PTPRD: variants seen among roughly 807,000 people sequenced by gnomAD.
The protein encoded by PTPRD is protein tyrosine phosphatase receptor type D.
A neutral mutation model predicts 214.5 loss-of-function variants in PTPRD; 34 were observed. The observed-to-expected ratio is 0.16, with a 90% CI of 0.12 to 0.21. The LOEUF is 0.21. Ranked by LOEUF, PTPRD falls within the 10% of genes least tolerant of loss-of-function variation. The pLI, the probability that PTPRD is intolerant of heterozygous loss-of-function variation, is 1.00. For synonymous variants in PTPRD, 1,128 were observed against 845.7 expected, an observed-to-expected ratio of 1.33 and a Z score of -5.79; for missense variants, 2,545 against 2,398.7, an observed-to-expected ratio of 1.06 and a Z score of -1.27.
intron 42 of PTPRD, 105 bp downstream of exon 42, chr9:8,340,238 G>T: frequency 7.5e-7 from 1 of 1,337,456 alleles, no homozygotes; most frequent in Non-Finnish European, 1.0e-6. Flanking sequence ...AGAGTGCACT[G>T]CATTTCAAAA....
At chr9:9,875,216 A>G (rs959653533) in intron 5 of PTPRD, among the ~76,000 whole-genome samples, 1 of 152,136 alleles carries the variant, frequency 6.6e-6, no homozygotes, top group East Asian at 1.9e-4. Flanking sequence ...TCTTAAAATT[A>G]TATATCTTTT....
At chr9:9,811,097 G>A in intron 5 of PTPRD, among the ~76,000 whole-genome samples, 1 of 152,174 alleles carries the variant, frequency 6.6e-6, no homozygotes, top group African/African-American at 2.4e-5. Context: ...AATTAGCTGG[G>A]CATGGTGGTG....
At chr9:9,687,741 A>G (rs895332962) in intron 7 of PTPRD, among the ~76,000 whole-genome samples, 7 of 151,760 alleles carry the variant, frequency 4.6e-5, no homozygotes, top group Non-Finnish European at 1.0e-4. Flanking sequence ...ATTGGTCTCA[A>G]TTGGTCAAAA....
At chr9:9,256,062 A>G (rs1226737131) in intron 9 of PTPRD, among the ~76,000 whole-genome samples, 2 of 152,000 alleles carry the variant, frequency 1.3e-5, no homozygotes, top group Non-Finnish European at 2.9e-5. Context: ...AGACATCTCA[A>G]ACTTCACCCA....
At chr9:8,930,859 T>C (rs1278465954) in intron 11 of PTPRD, among the ~76,000 whole-genome samples, 1 of 152,196 alleles carries the variant, frequency 6.6e-6, no homozygotes, top group East Asian at 1.9e-4. Flanking sequence ...TTCTGGATAT[T>C]AGCCCTTTGT....
chr9:9,788,019 G>C (rs2098938434), intron 5 of PTPRD, among the ~76,000 whole-genome samples: 1 of 151,310 alleles, frequency 6.6e-6, no homozygotes, highest in Non-Finnish European at 1.5e-5. Context: ...CCGACTTAAG[G>C]TGATCCACCC....
chr9:9,404,269 G>A (rs1180016783), intron 8 of PTPRD, among the ~76,000 whole-genome samples: 1 of 152,084 alleles, frequency 6.6e-6, no homozygotes, highest in Non-Finnish European at 1.5e-5. Context: ...CGGCTACTCT[G>A]TAGAAAACTG....
chr9:8,967,819 T>G (rs886948112), intron 11 of PTPRD, among the ~76,000 whole-genome samples: 2 of 152,048 alleles, frequency 1.3e-5, no homozygotes, highest in African/African-American at 2.4e-5. Context: ...GTGTTACATA[T>G]GTATACCTGT....
At chr9:10,412,915 CT>C (rs1028516817) in intron 2 of PTPRD, among the ~76,000 whole-genome samples, 1 of 151,830 alleles carries the variant, frequency 6.6e-6, no homozygotes, top group Non-Finnish European at 1.5e-5. Flanking sequence ...TTCAACATCC[CT>C]TCATGTTAAA....
chr9:10,159,590 G>T (rs186231628), intron 3 of PTPRD, among the ~76,000 whole-genome samples: 3 of 151,976 alleles, frequency 2.0e-5, no homozygotes, highest in Admixed American at 1.3e-4. Context: ...CAATTTTAAG[G>T]AAACTCAGTG....
chr9:9,345,697 T>C (rs901933540), intron 9 of PTPRD, among the ~76,000 whole-genome samples: 5 of 152,130 alleles, frequency 3.3e-5, no homozygotes, highest in Non-Finnish European at 7.4e-5. Context: ...ATCCTGATCA[T>C]AATGGCTTCC....
chr9:8,923,520 A>G (rs2098842986), intron 11 of PTPRD, among the ~76,000 whole-genome samples: 1 of 152,088 alleles, frequency 6.6e-6, no homozygotes. Context: ...TCAGGGAACT[A>G]AGTAAGCATT....
intron 3 of PTPRD, among the ~76,000 whole-genome samples, chr9:10,235,211 G>C (rs1039475037): frequency 6.6e-6 from 1 of 151,894 alleles, no homozygotes; most frequent in African/African-American, 2.4e-5. Context: ...CACATTATTA[G>C]TGAAGGATTT....
At chr9:9,756,248 G>C (rs1303159074) in intron 6 of PTPRD, among the ~76,000 whole-genome samples, 10 of 152,030 alleles carry the variant, frequency 6.6e-5, no homozygotes, top group African/African-American at 1.7e-4. Flanking sequence ...AGATTCATTA[G>C]CTTCTAAATA....
intron 5 of PTPRD, among the ~76,000 whole-genome samples, chr9:9,808,494 C>T (rs529073576): frequency 4.6e-5 from 7 of 152,108 alleles, no homozygotes; most frequent in Non-Finnish European, 8.8e-5. Context: ...CCACCGTACC[C>T]GGATAGGCTT....
chr9:8,550,346 T>C (rs2081651055), intron 14 of PTPRD, among the ~76,000 whole-genome samples: 2 of 152,314 alleles, frequency 1.3e-5, no homozygotes, highest in South Asian at 2.1e-4. Context: ...AAAAGTAGAT[T>C]TGTCATATAG....
At chr9:9,266,266 T>G (rs1414531805) in intron 9 of PTPRD, among the ~76,000 whole-genome samples, 2 of 151,222 alleles carry the variant, frequency 1.3e-5, no homozygotes, top group South Asian at 2.1e-4. Context: ...AAAGCAAATA[T>G]TAACACATCT....
intron 11 of PTPRD, among the ~76,000 whole-genome samples, chr9:8,930,319 C>A (rs1177196575): frequency 6.6e-6 from 1 of 152,020 alleles, no homozygotes; most frequent in Non-Finnish European, 1.5e-5. Flanking sequence ...GCATAGTATT[C>A]CATGGTGTAT....
chr9:10,573,089 C>T (rs923320667), intron 2 of PTPRD, among the ~76,000 whole-genome samples: 2 of 152,112 alleles, frequency 1.3e-5, no homozygotes, highest in South Asian at 2.1e-4. Flanking sequence ...TTAGCAGATA[C>T]CTTACTTGTG....
Sources: gnomAD v4.1 joint callset for allele counts (sites outside exome capture counted in the v4.1 genomes callset) on GRCh38, gnomAD v4.1.1 for gene constraint, MANE v1.5 for transcripts, NCBI Gene and HGNC (gene_info 2026-07-23, HGNC 2026-07-21) for gene names.